Variants in PDLIM5 observed in about 807,000 individuals in gnomAD.
PDLIM5 encodes PDZ and LIM domain protein 5.
A neutral mutation model predicts 64.2 loss-of-function variants in PDLIM5; 34 were observed. The observed-to-expected ratio is 0.53, with a 90% CI of 0.40 to 0.71. The LOEUF is 0.71. Among genes scored for constraint, PDLIM5 ranks in the 30% least tolerant of loss-of-function variants. The pLI, the probability that PDLIM5 is intolerant of heterozygous loss-of-function variation, is 0.00. For synonymous variants in PDLIM5, 253 were observed against 269.1 expected, an observed-to-expected ratio of 0.94 and a Z score of 0.59; for missense variants, 683 against 733.6, an observed-to-expected ratio of 0.93 and a Z score of 0.80.
intron 2 of PDLIM5, among the ~76,000 whole-genome samples, chr4:94,474,576 A>G (rs1255310383): frequency 6.6e-6 from 1 of 151,996 alleles, no homozygotes; most frequent in Non-Finnish European, 1.5e-5. Context: ...AAGACAGCTA[A>G]TTTTATCTGG....
chr4:94,663,878 C>G lies in PDLIM5; in HGVS notation c.1702-100C>G, dbSNP rs913046942. On this transcript the variant is annotated intron_variant, in intron 12 of 12. Coordinates refer to ENST00000317968, the MANE Select transcript of PDLIM5 (RefSeq NM_006457.5). ...AACTAAAGTGTTTTGTCATATTATCCATTGGGGGGAAAAATCACTCTCTCC... is the reference window on the plus strand; with the variant it reads ...AACTAAAGTGTTTTGTCATATTATCGATTGGGGGGAAAAATCACTCTCTCC... The G allele has an allele frequency of 7.5e-6, 9 of 1,206,478 alleles. No homozygotes were observed. In the Admixed American group the frequency reaches 2.3e-4, roughly 30 times the overall value. The allele number at this position is 1,206,478 out of a possible 1,614,324, so 74.7% of individuals were successfully genotyped here.
At chr4:94,572,478 T>G (rs926429807) in intron 3 of PDLIM5, among the ~76,000 whole-genome samples, 1 of 152,208 alleles carries the variant, frequency 6.6e-6, no homozygotes, top group Non-Finnish European at 1.5e-5. Flanking sequence ...CCATAGGTTT[T>G]ACTTGGATAT....
At chr4:94,456,159 AT>A (rs1723331466) in intron 2 of PDLIM5, 2 of 472,448 alleles carry the variant, frequency 4.2e-6, no homozygotes, top group African/African-American at 4.0e-5. Context: ...TCAAATAAAT[AT>A]GAATTTCCAT....
chr4:94,502,892 AAAGTT>A (rs1275582938), intron 2 of PDLIM5, among the ~76,000 whole-genome samples: 1 of 152,126 alleles, frequency 6.6e-6, no homozygotes, highest in Non-Finnish European at 1.5e-5. Flanking sequence ...AAGAAAAAAA[AAAGTT>A]AATACATGTA....
At chr4:94,651,548 C>T (rs951613) in intron 9 of PDLIM5, among the ~76,000 whole-genome samples, 54,791 of 151,970 alleles carry the variant, frequency 0.36, 10,922 homozygotes, top group South Asian at 0.61. Flanking sequence ...TGAAATTCAT[C>T]GATAGGCTCG....
At chr4:94,636,632 G>A (rs1040355855) in intron 8 of PDLIM5, among the ~76,000 whole-genome samples, 3 of 149,346 alleles carry the variant, frequency 2.0e-5, no homozygotes, top group Admixed American at 1.4e-4. Flanking sequence ...TCCACCTCCC[G>A]GCTTCACGCC....
At chr4:94,631,961 TCTC>T (rs1740186808) in intron 8 of PDLIM5, among the ~76,000 whole-genome samples, 1 of 152,348 alleles carries the variant, frequency 6.6e-6, no homozygotes, top group African/African-American at 2.4e-5. Context: ...CTTAGATACT[TCTC>T]CTGAGTTTTT....
At chr4:94,542,365 C>T (rs1731897393) in intron 3 of PDLIM5, among the ~76,000 whole-genome samples, 1 of 148,310 alleles carries the variant, frequency 6.7e-6, no homozygotes, top group Non-Finnish European at 1.5e-5. Context: ...TCCCTCTTTG[C>T]TCTCCAACAC....
intron 8 of PDLIM5, among the ~76,000 whole-genome samples, chr4:94,622,130 A>G (rs1739285660): frequency 6.6e-6 from 1 of 152,344 alleles, no homozygotes; most frequent in East Asian, 1.9e-4. Context: ...ACAATGGTAT[A>G]CCATAGTTTA....
intron 8 of PDLIM5, among the ~76,000 whole-genome samples, chr4:94,636,834 C>A (rs554972649): frequency 2.6e-5 from 4 of 152,220 alleles, no homozygotes; most frequent in African/African-American, 9.6e-5. Flanking sequence ...CGCGCCGGGC[C>A]ACTCATTTTT....
At chr4:94,554,013 A>C (rs1733042709) in intron 3 of PDLIM5, among the ~76,000 whole-genome samples, 1 of 152,240 alleles carries the variant, frequency 6.6e-6, no homozygotes, top group Non-Finnish European at 1.5e-5. Flanking sequence ...TGACTATATC[A>C]TAAAAGTCTT....
chr4:94,481,802 G>A (rs1725881384), intron 2 of PDLIM5, among the ~76,000 whole-genome samples: 1 of 151,866 alleles, frequency 6.6e-6, no homozygotes, highest in Non-Finnish European at 1.5e-5. Context: ...GTAGAGATGG[G>A]GTTTCACCGT....
At position 94,625,251 on chromosome 4, in the gene PDLIM5, TTTAA is replaced by T. The variant is rs559609106; in HGVS notation, c.1108+7063_1108+7066del. Among the ~76,000 whole-genome samples the T allele has an allele frequency of 4.7e-3, 719 of 152,312 alleles. 7 individuals carry two copies. The highest frequency in any genetic ancestry group is 0.016 in the African/African-American group (685 of 41,576). ...ATTAGAATGCTACCTTCATACTTTC[TTTAA>T]TTGTGTGTACACACAACTCCCAGTT... On this transcript the variant is annotated intron_variant, in intron 8 of 12. Transcript: ENST00000317968.
chr4:94,662,453 T>A lies in PDLIM5; in HGVS notation c.1617T>A (p.His539Gln). Residue 539 changes from histidine to glutamine, a missense_variant, in exon 12 of 13, where the codon CAT (histidine) becomes CAA (glutamine). Transcript: ENST00000317968. ...DYYALFGTICHGCEFPIEAGD... is the reference protein window; with the variant it reads ...DYYALFGTICQGCEFPIEAGD... ...ATGCCCTCTTTGGTACTATATGCCA[T>A]GGATGTGAATTTCCCATAGAAGCTG... 6.3e-7 allele frequency: 1 copy of A among 1,590,308 alleles called. No individual in the cohort carries two copies. Among genetic ancestry groups the A allele is most frequent in the Non-Finnish European group, 8.6e-7 (1 of 1,158,278 alleles).
At chr4:94,567,790 A>G (rs1734465651) in intron 3 of PDLIM5, among the ~76,000 whole-genome samples, 2 of 152,212 alleles carry the variant, frequency 1.3e-5, no homozygotes, top group Admixed American at 1.3e-4. Context: ...CAGAGTTACA[A>G]ATAGTGCTTA....
At chr4:94,589,946 A>G (rs895978509) in intron 7 of PDLIM5, among the ~76,000 whole-genome samples, 1 of 151,218 alleles carries the variant, frequency 6.6e-6, no homozygotes, top group Non-Finnish European at 1.5e-5. Context: ...GCTAATTTTT[A>G]TAGTTTTTTT....
At chr4:94,560,171 G>A (rs555368646) in intron 3 of PDLIM5, among the ~76,000 whole-genome samples, 2 of 152,202 alleles carry the variant, frequency 1.3e-5, no homozygotes, top group East Asian at 1.9e-4. Flanking sequence ...TTCAGTGAAG[G>A]GCCTGGGGGG....
At chr4:94,645,992 T>C (rs1024572912) in intron 9 of PDLIM5, among the ~76,000 whole-genome samples, 1 of 152,230 alleles carries the variant, frequency 6.6e-6, no homozygotes, top group Non-Finnish European at 1.5e-5. Flanking sequence ...TTGTACAGCA[T>C]ATATGTATTC....
At chr4:94,626,590 CTGTT>C (rs1044067668) in intron 8 of PDLIM5, among the ~76,000 whole-genome samples, 4 of 152,138 alleles carry the variant, frequency 2.6e-5, no homozygotes, top group African/African-American at 9.7e-5. Flanking sequence ...CTGCTAAGAT[CTGTT>C]TCAAGTAACA....
Sources: gnomAD v4.1 joint callset for allele counts (sites outside exome capture counted in the v4.1 genomes callset) on GRCh38, gnomAD v4.1.1 for gene constraint, MANE v1.5 for transcripts, NCBI Gene and HGNC (gene_info 2026-07-23, HGNC 2026-07-21) for gene names.